ADAM28: variants seen among roughly 807,000 people sequenced by gnomAD.
The protein encoded by ADAM28 is ADAM metallopeptidase domain 28, also known as disintegrin and metalloproteinase domain-containing protein 28.
In ADAM28, 105 loss-of-function variants were observed where a neutral mutation model predicts 101.2. That is an observed-to-expected ratio of 1.04 (90% CI 0.89 to 1.22). The LOEUF is 1.22. Among genes scored for constraint, ADAM28 ranks in the 50% most tolerant of loss-of-function variants. ADAM28 has a pLI of 0.00. For synonymous variants in ADAM28, 322 were observed against 310.6 expected (o/e 1.04, Z -0.39); for missense variants, 1,028 against 945.4 (o/e 1.09, Z -1.15).
At chr8:24,298,181 T>G (rs1808223354) in intron 1 of ADAM28, among the ~76,000 whole-genome samples, 1 of 152,140 alleles carries the variant, frequency 6.6e-6, no homozygotes, top group Non-Finnish European at 1.5e-5. Flanking sequence ...ATTTAAAGAC[T>G]CAAACCAAAT....
At chr8:24,335,708 C>T (rs774969593) in intron 14 of ADAM28, 67 bp downstream of exon 14, 19 of 1,461,108 alleles carry the variant, frequency 1.3e-5, no homozygotes, top group East Asian at 2.5e-5. Flanking sequence ...CAGTGTTTAA[C>T]CATGGTCAAA....
intron 19 of ADAM28, among the ~76,000 whole-genome samples, chr8:24,351,013 GT>G (rs1263655731): frequency 6.6e-6 from 1 of 151,900 alleles, no homozygotes; most frequent in African/African-American, 2.4e-5. Flanking sequence ...GAAGTCAGGG[GT>G]TTTTGGAGAA....
intron 17 of ADAM28, 37 bp downstream of exon 17, chr8:24,343,218 ATCT>A: frequency 1.3e-6 from 2 of 1,596,614 alleles, no homozygotes; most frequent in Non-Finnish European, 1.7e-6. Context: ...AGCTCTCTGA[ATCT>A]TATGACATTC....
At chr8:24,345,164 A>G (rs537736164) in intron 18 of ADAM28, among the ~76,000 whole-genome samples, 4 of 152,050 alleles carry the variant, frequency 2.6e-5, no homozygotes, top group African/African-American at 9.6e-5. Context: ...ATGAATCACT[A>G]TTTTATTCCT....
chr8:24,306,905 G>C (rs1053499708), intron 2 of ADAM28, among the ~76,000 whole-genome samples: 5 of 152,070 alleles, frequency 3.3e-5, no homozygotes, highest in Non-Finnish European at 5.9e-5. Flanking sequence ...GCCCTGTTAG[G>C]GTTCTTGGGT....
intron 2 of ADAM28, among the ~76,000 whole-genome samples, chr8:24,305,240 A>G (rs1243986578): frequency 1.3e-5 from 2 of 151,892 alleles, no homozygotes; most frequent in East Asian, 3.9e-4. Context: ...TCATATATAC[A>G]CTAATATATC....
At chr8:24,325,237 C>G (rs551142300) in intron 9 of ADAM28, 1 of 151,772 alleles carries the variant, frequency 6.6e-6, no homozygotes, top group Non-Finnish European at 1.5e-5. Flanking sequence ...AAATAATAGA[C>G]GAGATGATAA....
At chr8:24,313,289 G>C in intron 5 of ADAM28, 99 bp from the exon 6 acceptor site, 1 of 1,142,596 alleles carries the variant, frequency 8.8e-7, no homozygotes, top group Non-Finnish European at 1.2e-6. Context: ...TTTTGACATT[G>C]ACTAGGAATT....
chr8:24,351,525 A>C, intron 20 of ADAM28: 1 of 615,878 alleles, frequency 1.6e-6, no homozygotes, highest in South Asian at 1.8e-5. Flanking sequence ...AATAAAGAGA[A>C]CAAAGAATGC....
At chr8:24,319,863 AC>A (rs1327570136) in intron 6 of ADAM28, among the ~76,000 whole-genome samples, 1 of 151,984 alleles carries the variant, frequency 6.6e-6, no homozygotes, top group East Asian at 1.9e-4. Context: ...AAACAAAAAA[AC>A]AAACTGACTA....
chr8:24,341,264 G>A (rs540340873), intron 15 of ADAM28: 1 of 201,130 alleles, frequency 5.0e-6, no homozygotes, highest in East Asian at 1.4e-4. Flanking sequence ...AGCAAAAAAT[G>A]AGAAAATGTT....
Position 24,323,972 on chromosome 8 carries a change from A to C in ADAM28, c.859A>C (p.Arg287=), listed in dbSNP as rs1326054392. ...ATGGAGGGGGAGTGTTCTCTCAAGA[A>C]GAAAGCGTCATGATATTGCTCAGTT... ...SKWRGSVLSR[R]KRHDIAQLIT... Residue 287 remains arginine, a synonymous_variant, in exon 9 of 23, where the codon AGA becomes CGA. Transcript: ENST00000265769. The C allele has an allele frequency of 6.2e-7, 1 of 1,612,064 alleles. No homozygotes were observed. The highest frequency in any genetic ancestry group is 1.7e-5 in the Admixed American group (1 of 59,808).
At chr8:24,323,696 T>G (rs937295050) in intron 8 of ADAM28, 138 bp from the exon 9 acceptor site, 8 of 856,604 alleles carry the variant, frequency 9.3e-6, no homozygotes, top group Non-Finnish European at 1.4e-5. Flanking sequence ...GTCAATACAT[T>G]CTGTTTCACA....
In ADAM28 at chr8:24,355,753, C is replaced by T. The variant is rs1816642907; in HGVS notation, c.*1349C>T. 6.6e-6 allele frequency: 1 copy of T among 152,134 alleles called. No homozygotes were observed. Among genetic ancestry groups the T allele is most frequent in the Non-Finnish European group, 1.5e-5 (1 of 68,028 alleles). 9.4% of individuals were successfully genotyped at this position (152,134 alleles called of 1,614,324 possible). On this transcript the variant is annotated 3_prime_UTR_variant, in exon 23 of 23. Coordinates refer to ENST00000265769, the MANE Select transcript of ADAM28 (RefSeq NM_014265.6). ...AGATCAGTGACTGCTGGAGTTACCT[C>T]ACACTTTCTTGGTACTCCTTATTAT...
chr8:24,343,255 AG>A (rs1316892531), intron 17 of ADAM28, 74 bp downstream of exon 17: 1 of 1,541,120 alleles, frequency 6.5e-7, no homozygotes, highest in African/African-American at 1.4e-5. Context: ...AGAAAGCTAA[AG>A]GAATATTTTC....
At chr8:24,310,027 G>C (rs1374750333) in intron 3 of ADAM28, 57 bp downstream of exon 3, 1 of 1,473,680 alleles carries the variant, frequency 6.8e-7, no homozygotes, top group Admixed American at 1.7e-5. Context: ...CCTATGGAGA[G>C]TGTGCTGAGT....
intron 18 of ADAM28, among the ~76,000 whole-genome samples, chr8:24,348,326 G>A (rs1003377045): frequency 6.6e-6 from 1 of 152,066 alleles, no homozygotes; most frequent in Admixed American, 6.6e-5. Context: ...TCCCACTCCT[G>A]AACAGCTTCC....
At position 24,354,653 on chromosome 8, in the gene ADAM28, G is replaced by C. The variant is rs1393069411; in HGVS notation, c.*249G>C. 2.8e-6 allele frequency: 1 copy of C among 359,316 alleles called. No individual in the cohort carries two copies. The highest frequency in any genetic ancestry group is 5.1e-5 in the East Asian group (1 of 19,624). 22.3% of individuals were successfully genotyped at this position (359,316 alleles called of 1,614,324 possible). A position where few individuals can be genotyped will look rare whatever the true frequency, so the allele number is the denominator to read the frequency against. On this transcript the variant is annotated 3_prime_UTR_variant, in exon 23 of 23. Transcript: ENST00000265769. ...TTATAAGAAGGAAGATGATTGTAAA[G>C]AAATATCTCCGAAGTTAAAATCTGT...
intron 4 of ADAM28, among the ~76,000 whole-genome samples, 165 bp from the exon 5 acceptor site, chr8:24,311,196 T>A (rs918558800): frequency 1.3e-5 from 2 of 152,216 alleles, no homozygotes; most frequent in African/African-American, 4.8e-5. Flanking sequence ...CAATTTTAAC[T>A]TACATGAAAG....
Sources: allele counts gnomAD v4.1 joint callset (sites outside exome capture counted in the v4.1 genomes callset), GRCh38; gene constraint gnomAD v4.1.1; transcripts MANE v1.5; gene names NCBI Gene and HGNC (gene_info 2026-07-23, HGNC 2026-07-21).